The following TFR2 variants were observed in gnomAD, a reference collection of about 807,000 sequenced individuals.
TFR2 encodes the protein transferrin receptor 2, also known as transferrin receptor protein 2.
TFR2 carries 64 observed loss-of-function variants against 91.9 expected under a neutral mutation model. The observed-to-expected ratio is 0.70, with a 90% confidence interval of 0.57 to 0.86. The LOEUF (loss-of-function observed/expected upper bound fraction) is 0.86. TFR2 is among the 40% of genes least tolerant of loss of function. TFR2 has a pLI of 0.00. For missense variants in TFR2, 950 were observed against 1,080.5 expected, an observed-to-expected ratio of 0.88 and a Z score of 1.69; for synonymous variants, 454 against 459.6, an observed-to-expected ratio of 0.99 and a Z score of 0.15.
Position 100,621,034 on chromosome 7 carries a change from GGC to G in TFR2, c.2227_2228del (p.Ala743ProfsTer48), listed in dbSNP as rs1463281712. On this transcript the variant is annotated frameshift_variant, in exon 18 of 18. Coordinates refer to ENST00000223051, the MANE Select transcript of TFR2 (RefSeq NM_003227.4). LOFTEE classifies it high-confidence loss of function. ...GCAGCAGCCGCAGGTGGTCCAGCAGGGCGCCCAGCGTGTGGTCTCCACGGCCC... is the reference window on the plus strand; with the variant it reads ...GCAGCAGCCGCAGGTGGTCCAGCAGGGCCCAGCGTGTGGTCTCCACGGCCC... ...FMGRGDHTLG[A>X]LLDHLRLLRS... The G allele has an allele frequency of 2.0e-5, 32 of 1,589,960 alleles. No homozygotes were observed. The highest frequency in any genetic ancestry group is 2.6e-5 in the Non-Finnish European group (30 of 1,168,548).
intron 17 of TFR2, among the ~76,000 whole-genome samples, chr7:100,625,750 T>C (rs1803236541): frequency 6.6e-6 from 1 of 152,088 alleles, no homozygotes; most frequent in African/African-American, 2.4e-5. Context: ...CCGGGCGTCA[T>C]GGCACGTGCC....
rs1478674823 is a variant in TFR2 at position 100,626,807 on chromosome 7, T to A, written c.2092A>T (p.Arg698Ter). ...LRQEIYSSEE[R>*]DERLTRMYNV... is the part of the protein sequence containing the mutation. ...TACATGCGTGTCAGTCGCTCGTCTC[T>A]CTCCTCCGAGCTGTAGATCTCCTGC... Residue 698 changes from arginine (R) to a stop codon, truncating the protein, a stop_gained, in exon 17 of 18, where the codon AGA becomes TGA. Transcript: ENST00000223051. LOFTEE classifies it high-confidence loss of function. 1 of 1,548,894 alleles carries A rather than the reference T, an allele frequency of 6.5e-7. No individual in the cohort carries two copies. Among genetic ancestry groups the A allele is most frequent in the Non-Finnish European group, 8.7e-7 (1 of 1,146,910 alleles).
At chr7:100,633,960 G>T (rs1028001253) in intron 3 of TFR2, among the ~76,000 whole-genome samples, 3 of 151,404 alleles carry the variant, frequency 2.0e-5, no homozygotes, top group Non-Finnish European at 2.9e-5. Context: ...TGCCCGCCTC[G>T]GCCTCCCAAA....
chr7:100,622,914 G>A (rs749740460), intron 17 of TFR2, among the ~76,000 whole-genome samples: 14 of 152,054 alleles, frequency 9.2e-5, no homozygotes, highest in South Asian at 2.1e-4. Context: ...AGCCAAGATC[G>A]TGCCACTGCC....
chr7:100,631,754 C>T, intron 8 of TFR2, 52 bp downstream of exon 8: 1 of 1,586,878 alleles, frequency 6.3e-7, no homozygotes, highest in South Asian at 1.2e-5. Context: ...GGCCTCGCTG[C>T]AGCCTTCCTC....
Position 100,633,445 on chromosome 7 carries a change from C to T in TFR2, c.585G>A (p.Thr195=), listed in dbSNP as rs1197406517. The T allele has an allele frequency of 6.2e-7, 1 of 1,612,766 alleles. No homozygotes were observed. Among genetic ancestry groups the T allele is most frequent in the Admixed American group, 1.7e-5 (1 of 59,968 alleles). Residue 195 remains threonine, a synonymous_variant, in exon 4 of 18, where the codon ACG becomes ACA. Transcript: ENST00000223051. The part of the protein sequence containing the change: ...RQKLDHVWTD[T]HYVGLQFPDP... ...CCGGGAATTGCAGCCCCACGTAGTG[C>T]GTGTCGGTCCACACGTGGTCCAGCT... is the stretch of plus-strand genomic sequence containing the variant.
At chr7:100,627,024 GGAGGTAGAC>G (rs1320104827) in intron 16 of TFR2, 121 bp from the exon 17 acceptor site, 35 of 1,420,764 alleles carry the variant, frequency 2.5e-5, no homozygotes, top group Non-Finnish European at 2.8e-5. Flanking sequence ...GCAGGAGGGA[GGAGGTAGAC>G]GAGGACAGAG....
Position 100,633,561 on chromosome 7 carries a change from G to A in TFR2, c.474-5C>T, listed in dbSNP as rs1369420781. The A allele has an allele frequency of 1.3e-6, 2 of 1,599,362 alleles. No homozygotes were observed. Among genetic ancestry groups the A allele is most frequent in the African/African-American group, 2.7e-5 (2 of 74,830 alleles). On this transcript the variant is annotated splice_region_variant and splice_polypyrimidine_tract_variant and intron_variant, in intron 3 of 17. Transcript: ENST00000223051. ...CGTTCCCGAAGGCTGGTTTGCCTAA[G>A]CGGGGAGAGGTGGGGACTTTTCTGG... is the stretch of plus-strand genomic sequence containing the variant.
chr7:100,637,401 C>CA (rs56900814), intron 3 of TFR2, among the ~76,000 whole-genome samples: 125,204 of 147,940 alleles, frequency 0.85, 53,069 homozygotes, highest in East Asian at 0.9. Flanking sequence ...CTCTGTCTCA[C>CA]AAAAAAAAAG....
intron 5 of TFR2, 31 bp downstream of exon 5, chr7:100,633,191 GCCGCGCC>G: frequency 6.2e-7 from 1 of 1,613,264 alleles, no homozygotes; most frequent in Non-Finnish European, 8.5e-7. Context: ...AAGGGCTCGT[GCCGCGCC>G]CCATCCTAGG....
chr7:100,640,034 T>G (rs1363883433), intron 3 of TFR2: 1 of 152,414 alleles, frequency 6.6e-6, no homozygotes, highest in Non-Finnish European at 1.5e-5. Flanking sequence ...TCTGCCCGCC[T>G]CCGCCTCCCA....
At chr7:100,629,855 C>G (rs1487341092) in intron 9 of TFR2, among the ~76,000 whole-genome samples, 1 of 152,180 alleles carries the variant, frequency 6.6e-6, no homozygotes, top group East Asian at 1.9e-4. Context: ...ACGCCATTCT[C>G]CTGCCTCAGC....
At chr7:100,626,961 A>G in intron 16 of TFR2, 58 bp from the exon 17 acceptor site, 2 of 1,511,060 alleles carry the variant, frequency 1.3e-6, no homozygotes, top group East Asian at 4.9e-5. Context: ...CCCGCCTAGC[A>G]TGGGGACAAG....
chr7:100,627,851 T>G, intron 13 of TFR2, 31 bp from the exon 14 acceptor site: 1 of 1,614,106 alleles, frequency 6.2e-7, no homozygotes, highest in East Asian at 2.2e-5. Context: ...CTGATCAGGC[T>G]CTGCTCCTCC....
chr7:100,621,293 T>A (rs1458757316), intron 17 of TFR2, among the ~76,000 whole-genome samples, 167 bp from the exon 18 acceptor site: 1 of 152,162 alleles, frequency 6.6e-6, no homozygotes, highest in African/African-American at 2.4e-5. Flanking sequence ...TCGCTCTGTC[T>A]CCCAGGCTGG....
chr7:100,623,131 G>A (rs1399349224), intron 17 of TFR2, among the ~76,000 whole-genome samples: 1 of 152,078 alleles, frequency 6.6e-6, no homozygotes, highest in Non-Finnish European at 1.5e-5. Flanking sequence ...AAATTAGCTG[G>A]GTGTGGTGGC....
At chr7:100,628,398 G>T in intron 10 of TFR2, 92 bp from the exon 11 acceptor site, 1 of 1,254,724 alleles carries the variant, frequency 8.0e-7, no homozygotes. Flanking sequence ...CAGGGTCTCT[G>T]TTTCTCTGTC....
At position 100,621,009 on chromosome 7, in the gene TFR2, G is replaced by A. The variant is rs1028494790; in HGVS notation, c.2254C>T (p.Arg752Cys). 5.0e-6 allele frequency: 8 copies of A among 1,602,852 alleles called. No individual in the cohort carries two copies. Among genetic ancestry groups the A allele is most frequent in the African/African-American group, 1.3e-5 (1 of 74,678 alleles). The part of the protein sequence containing the change: ...GALLDHLRLL[R>C]SNSSGTPGAT... ...CCGGGGGTCCCGGAGCTGTTGGAGC[G>A]CAGCAGCCGCAGGTGGTCCAGCAGG... Residue 752 changes from arginine (R) to cysteine (C), a missense_variant, in exon 18 of 18, where the codon CGC (arginine) becomes TGC (cysteine). Physicochemically the swap from Arg to Cys is radical, Grantham distance 180 (BLOSUM62 -3). Coordinates refer to ENST00000223051, the MANE Select transcript of TFR2 (RefSeq NM_003227.4).
At chr7:100,636,231 A>AT (rs1409282241) in intron 3 of TFR2, among the ~76,000 whole-genome samples, 8 of 125,374 alleles carry the variant, frequency 6.4e-5, no homozygotes, top group East Asian at 2.4e-4. Flanking sequence ...GCTGGAGTGC[A>AT]TTGGTGCGAT....
Sources: allele counts gnomAD v4.1 joint callset (sites outside exome capture counted in the v4.1 genomes callset), GRCh38; gene constraint gnomAD v4.1.1; transcripts MANE v1.5; gene names NCBI Gene and HGNC (gene_info 2026-07-23, HGNC 2026-07-21).